Variants in MLIP observed in about 807,000 individuals in gnomAD.
MLIP encodes muscular LMNA-interacting protein.
In MLIP, 79 loss-of-function variants were observed where a neutral mutation model predicts 84.8. That is an observed-to-expected ratio of 0.93 (90% confidence interval 0.78 to 1.12). MLIP has a LOEUF of 1.12. MLIP is among the 50% of genes most tolerant of loss of function. The pLI, the probability that MLIP is intolerant of heterozygous loss-of-function variation, is 0.00. For missense variants in MLIP, 1,257 were observed against 1,160.6 expected, an observed-to-expected ratio of 1.08 and a Z score of -1.21; for synonymous variants, 504 against 463.0, an observed-to-expected ratio of 1.09 and a Z score of -1.14.
intron 11 of MLIP, chr6:54,216,270 A>G (rs984420647): frequency 1.0e-6 from 1 of 985,430 alleles, no homozygotes; most frequent in Non-Finnish European, 1.2e-6. Flanking sequence ...TCTCTCTTCC[A>G]TTATGAGCAA....
chr6:54,248,773 A>G (rs1782256351), intron 12 of MLIP, among the ~76,000 whole-genome samples: 1 of 152,104 alleles, frequency 6.6e-6, no homozygotes, highest in Non-Finnish European at 1.5e-5. Context: ...GAAAATTCCT[A>G]TGTTTTCTTA....
chr6:54,138,115 T>C lies in MLIP; in HGVS notation c.2046T>C (p.His682=), dbSNP rs1421426113. Residue 682 remains histidine, a synonymous_variant, in exon 4 of 14, where the codon CAT becomes CAC. Transcript: ENST00000502396. ...PQLSPSALHP[H]CGSGTLPSRL... ...TCAGTCCCTCAGCTCTGCACCCACATTGCGGCAGTGGTACCTTGCCTTCAA... is the reference window on the plus strand; with the variant it reads ...TCAGTCCCTCAGCTCTGCACCCACACTGCGGCAGTGGTACCTTGCCTTCAA... 8 of 1,535,986 alleles carry C rather than the reference T, an allele frequency of 5.2e-6. No homozygotes were observed. The highest frequency in any genetic ancestry group is 7.0e-6 in the Non-Finnish European group (8 of 1,146,882).
chr6:54,044,115 T>G (rs548386863), intron 1 of MLIP, among the ~76,000 whole-genome samples: 18 of 152,370 alleles, frequency 1.2e-4, no homozygotes, highest in African/African-American at 4.3e-4. Context: ...ATCATTTTGT[T>G]GCTGGTGCAG....
At position 54,137,341 on chromosome 6, in the gene MLIP, C is replaced by G. The variant is rs1032135228; in HGVS notation, c.1272C>G (p.Asn424Lys). The change falls in exon 4 of 14, where the codon AAC becomes AAG. Residue 424 changes from asparagine to lysine, a missense_variant. Transcript: ENST00000502396. ...TTCTCACTGCCATTCTCAAGTCAAA[C>G]CCTTCCCACCAAAGACCCTTTTCCC... ...LALLTAILKS[N>K]PSHQRPFSPA... The G allele has an allele frequency of 1.0e-5, 16 of 1,536,072 alleles. No individual in the cohort carries two copies. The highest frequency in any genetic ancestry group is 6.8e-5 in the African/African-American group (5 of 73,140).
intron 8 of MLIP, among the ~76,000 whole-genome samples, chr6:54,167,064 G>A (rs1235275075): frequency 2.0e-5 from 3 of 151,728 alleles, no homozygotes; most frequent in Non-Finnish European, 4.4e-5. Flanking sequence ...ATTATGCCAT[G>A]GCTTCTGCAC....
At position 54,136,867 on chromosome 6, in the gene MLIP, C is replaced by T; in HGVS notation, c.798C>T (p.Val266=). The T allele has an allele frequency of 6.5e-6, 10 of 1,535,186 alleles. No homozygotes were observed. Among genetic ancestry groups the T allele is most frequent in the Non-Finnish European group, 8.7e-6 (10 of 1,146,160 alleles). Residue 266 remains valine, a synonymous_variant, in exon 4 of 14, where the codon GTC becomes GTT. Transcript: ENST00000502396. ...LEEFHTRRLD[V]GGAVVEESAT... is the part of the protein sequence containing the mutation. ...AGTTCCACACTAGGAGGCTGGATGT[C>T]GGTGGGGCCGTGGTGGAAGAATCAG...
intron 1 of MLIP, among the ~76,000 whole-genome samples, chr6:54,023,717 G>C (rs1376655283): frequency 6.6e-6 from 1 of 151,762 alleles, no homozygotes. Flanking sequence ...CTACAGGCGT[G>C]CACCACCATG....
intron 5 of MLIP, among the ~76,000 whole-genome samples, chr6:54,155,804 C>G (rs545834813): frequency 2.0e-5 from 3 of 152,080 alleles, no homozygotes; most frequent in South Asian, 2.1e-4. Context: ...TATTTGGTAT[C>G]TTTTCAAAAG....
rs1401373295 is a variant in MLIP at position 54,230,696 on chromosome 6, TTTC to T, written c.2719-11_2719-9del. On this transcript the variant is annotated splice_polypyrimidine_tract_variant and intron_variant, in intron 11 of 13. Transcript: ENST00000502396. Reference sequence around the variant, plus strand: ...TTTTATGCTAACATCCTCTTATGCCTTTCTTCTTCCCCACCAGGATGTAACAGT... The same window carrying T: ...TTTTATGCTAACATCCTCTTATGCCTTTCTTCCCCACCAGGATGTAACAGT... The T allele has an allele frequency of 6.2e-7, 1 of 1,612,460 alleles. No individual in the cohort carries two copies. Among genetic ancestry groups the T allele is most frequent in the Non-Finnish European group, 8.5e-7 (1 of 1,179,016 alleles).
At chr6:54,037,934 T>C (rs1764536449) in intron 1 of MLIP, among the ~76,000 whole-genome samples, 2 of 151,992 alleles carry the variant, frequency 1.3e-5, no homozygotes, top group South Asian at 2.1e-4. Context: ...GTTAATAATA[T>C]CTACTGATGA....
chr6:54,218,011 A>G (rs1779967390), intron 11 of MLIP: 2 of 985,260 alleles, frequency 2.0e-6, no homozygotes, highest in South Asian at 4.7e-5. Context: ...AATCTCAAAC[A>G]GGGGTCACAA....
chr6:54,266,226 C>T lies in MLIP; in HGVS notation c.*271C>T, dbSNP rs1228211943. The T allele has an allele frequency of 5.5e-6, 2 of 363,748 alleles. No homozygotes were observed. The highest frequency in any genetic ancestry group is 4.3e-5 in the East Asian group (1 of 23,524). 22.5% of individuals were successfully genotyped at this position (363,748 alleles called of 1,614,324 possible). A position where few individuals can be genotyped will look rare whatever the true frequency, so the allele number is the denominator to read the frequency against. Reference sequence around the variant, plus strand: ...ACTTAATATTAAGCTGACCGCAATACTAACGTGCCCCTATATTTGGCAGCC... The same window carrying T: ...ACTTAATATTAAGCTGACCGCAATATTAACGTGCCCCTATATTTGGCAGCC... On this transcript the variant is annotated 3_prime_UTR_variant, in exon 14 of 14. Coordinates refer to ENST00000502396, the MANE Select transcript of MLIP (RefSeq NM_001281747.2).
intron 11 of MLIP, among the ~76,000 whole-genome samples, chr6:54,208,335 C>T (rs1298004389): frequency 1.3e-5 from 2 of 152,126 alleles, no homozygotes; most frequent in African/African-American, 4.8e-5. Context: ...CCTGTAATCC[C>T]AGCTCTTTGG....
chr6:54,120,242 T>G lies in MLIP; in HGVS notation c.97-1205T>G, dbSNP rs932507008. On this transcript the variant is annotated intron_variant, in intron 1 of 13. Transcript: ENST00000502396. ...TAGGCTTGCGACTTCTTTTTTTTAT[T>G]TTTTTTTTTTGAGACGGAGTCTCGC... Among the ~76,000 whole-genome samples the G allele has an allele frequency of 4.5e-4, 15 of 33,420 alleles. No homozygotes were observed. The South Asian group carries it at 0.031, about 70-fold the overall frequency. 21.9% of individuals were successfully genotyped at this position (33,420 alleles called of 152,430 possible). A position where few individuals can be genotyped will look rare whatever the true frequency, so the allele number is the denominator to read the frequency against.
At chr6:54,153,986 T>C (rs1433296862) in intron 5 of MLIP, among the ~76,000 whole-genome samples, 1 of 152,138 alleles carries the variant, frequency 6.6e-6, no homozygotes, top group Non-Finnish European at 1.5e-5. Flanking sequence ...TCCCAATTTC[T>C]TTAATAATGG....
intron 1 of MLIP, among the ~76,000 whole-genome samples, chr6:54,103,271 T>A (rs1478927628): frequency 6.6e-6 from 1 of 152,162 alleles, no homozygotes; most frequent in Non-Finnish European, 1.5e-5. Flanking sequence ...AAATAACATA[T>A]GTCATGCCAT....
At position 54,137,071 on chromosome 6, in the gene MLIP, G is replaced by T; in HGVS notation, c.1002G>T (p.Ser334=). The stretch of plus-strand genomic sequence containing the variant: ...TTCTCAAGAAGACAACTTTAACCTC[G>T]CATGTCCTTAGTCACGGAGAAAGTC... ...SEVLKKTTLT[S]HVLSHGESPR... The change falls in exon 4 of 14, where the codon TCG becomes TCT. Residue 334 remains serine (S), a synonymous_variant. Coordinates refer to ENST00000502396, the MANE Select transcript of MLIP (RefSeq NM_001281747.2). 1 of 1,535,960 alleles carries T rather than the reference G, an allele frequency of 6.5e-7. No homozygotes were observed. The highest frequency in any genetic ancestry group is 8.7e-7 in the Non-Finnish European group (1 of 1,146,874).
Position 54,137,318 on chromosome 6 carries a change from C to G in MLIP, c.1249C>G (p.Leu417Val), listed in dbSNP as rs1582242171. The change falls in exon 4 of 14, where the codon CTC becomes GTC. Residue 417 changes from leucine to valine, a missense_variant. Leu to Val is a conservative substitution (Grantham distance 32). Coordinates refer to ENST00000502396, the MANE Select transcript of MLIP (RefSeq NM_001281747.2). ...KSPVPSRLAL[L>V]TAILKSNPSH... The stretch of plus-strand genomic sequence containing the variant: ...CCCGGTGCCTTCCCGGCTTGCCCTT[C>G]TCACTGCCATTCTCAAGTCAAACCC... 2.6e-6 allele frequency: 4 copies of G among 1,535,960 alleles called. No homozygotes were observed. The East Asian group carries it at 9.8e-5, about 38-fold the overall frequency.
At chr6:54,219,192 G>A (rs138654076) in intron 11 of MLIP, among the ~76,000 whole-genome samples, 11 of 151,332 alleles carry the variant, frequency 7.3e-5, no homozygotes, top group South Asian at 2.1e-4. Context: ...GGGACAGAGC[G>A]AGACTCCGTC....
Sources: allele counts gnomAD v4.1 joint callset (sites outside exome capture counted in the v4.1 genomes callset), GRCh38; gene constraint gnomAD v4.1.1; transcripts MANE v1.5; gene names NCBI Gene and HGNC (gene_info 2026-07-23, HGNC 2026-07-21).